BRMS1L: variants seen among roughly 807,000 people sequenced by gnomAD.
BRMS1L encodes BRMS1 like transcriptional repressor, also known as breast cancer metastasis-suppressor 1-like protein.
Under a neutral mutation model 50.3 loss-of-function variants are expected in BRMS1L, and 23 were observed. The ratio of observed to expected loss-of-function variants is 0.46; its 90% CI spans 0.33 to 0.65. The LOEUF (loss-of-function observed/expected upper bound fraction) is 0.65. Among genes scored for constraint, BRMS1L ranks in the 30% least tolerant of loss-of-function variants. The probability of loss-of-function intolerance (pLI) is 0.02; values close to 1 mark genes in which losing one functional copy is unlikely to be tolerated. For synonymous variants in BRMS1L, 114 were observed against 126.9 expected (o/e 0.90, Z 0.69); for missense variants, 286 against 386.1 (o/e 0.74, Z 2.17).
chr14:35,865,686 C>A (rs1438888193), intron 7 of BRMS1L, 36 bp from the exon 8 acceptor site: 1 of 1,515,002 alleles, frequency 6.6e-7, no homozygotes, highest in South Asian at 1.2e-5. Flanking sequence ...TGAACTCAGA[C>A]TTCTTTCTTC....
intron 1 of BRMS1L, among the ~76,000 whole-genome samples, chr14:35,826,941 A>G: frequency 6.6e-6 from 1 of 152,174 alleles, no homozygotes; most frequent in East Asian, 1.9e-4. Flanking sequence ...GCCCAGGCGG[A>G]CAACTTCCCG....
chr14:35,829,737 G>A (rs2077893849), intron 1 of BRMS1L: 1 of 733,010 alleles, frequency 1.4e-6, no homozygotes, highest in Non-Finnish European at 1.9e-6. Context: ...AGAAAAAAAT[G>A]AGTCAGCCTT....
At chr14:35,837,871 A>G (rs774469435) in intron 4 of BRMS1L, among the ~76,000 whole-genome samples, 1 of 152,142 alleles carries the variant, frequency 6.6e-6, no homozygotes, top group Non-Finnish European at 1.5e-5. Context: ...ATTTAAAAAA[A>G]TTACTTTTTA....
At chr14:35,864,908 C>G in intron 6 of BRMS1L, 27 bp from the exon 7 acceptor site, 1 of 1,434,100 alleles carries the variant, frequency 7.0e-7, no homozygotes. Context: ...GATATTCTTA[C>G]AGCTAAATTG....
At chr14:35,853,400 AATG>A (rs200810819) in intron 4 of BRMS1L, among the ~76,000 whole-genome samples, 8 of 151,130 alleles carry the variant, frequency 5.3e-5, no homozygotes, top group Admixed American at 1.3e-4. Flanking sequence ...TGATGATGTT[AATG>A]ATGATGATGA....
intron 4 of BRMS1L, among the ~76,000 whole-genome samples, chr14:35,855,426 A>C (rs1398964992): frequency 2.6e-5 from 4 of 152,128 alleles, no homozygotes; most frequent in African/African-American, 9.7e-5. Context: ...GAATATCTTT[A>C]AAAGGGTGTT....
chr14:35,851,948 A>C lies in BRMS1L; in HGVS notation c.442-10642A>C, dbSNP rs145523119. On this transcript the variant is annotated intron_variant, in intron 4 of 9. Coordinates refer to ENST00000216807, the MANE Select transcript of BRMS1L (RefSeq NM_032352.4). Reference sequence around the variant, plus strand: ...CCCTTGTTGAAGATCGCTTGACTATACATGGATGGGTTTATTTCAGGGCTC... The same window carrying C: ...CCCTTGTTGAAGATCGCTTGACTATCCATGGATGGGTTTATTTCAGGGCTC... Among the ~76,000 whole-genome samples the C allele has an allele frequency of 3.5e-4, 54 of 152,364 alleles. 1 individual carries two copies. The East Asian group carries it at 9.8e-3, about 28-fold the overall frequency.
intron 4 of BRMS1L, among the ~76,000 whole-genome samples, chr14:35,859,931 G>T (rs2078328314): frequency 1.3e-5 from 2 of 152,020 alleles, no homozygotes; most frequent in Non-Finnish European, 2.9e-5. Context: ...GAATATAGGT[G>T]TGTGCCATTG....
intron 4 of BRMS1L, among the ~76,000 whole-genome samples, chr14:35,848,864 ACAC>A (rs2078171698): frequency 2.0e-5 from 3 of 152,128 alleles, no homozygotes; most frequent in Non-Finnish European, 4.4e-5. Flanking sequence ...CCATTGATGG[ACAC>A]TTAACATTTC....
At chr14:35,858,483 T>C (rs1455750810) in intron 4 of BRMS1L, 1 of 152,254 alleles carries the variant, frequency 6.6e-6, no homozygotes, top group Non-Finnish European at 1.5e-5. Context: ...AGTTAGTTTT[T>C]TGAGATTTCT....
chr14:35,864,895 T>A, intron 6 of BRMS1L, 40 bp from the exon 7 acceptor site: 1 of 1,305,246 alleles, frequency 7.7e-7, no homozygotes, highest in Admixed American at 2.2e-5. Flanking sequence ...TAATTCAAAG[T>A]GTGATATTCT....
chr14:35,865,714 T>A lies in BRMS1L; in HGVS notation c.688-8T>A, dbSNP rs74801940. The A allele has an allele frequency of 3.3e-5, 52 of 1,568,032 alleles. No individual in the cohort carries two copies. The highest frequency in any genetic ancestry group is 1.7e-4 in the Middle Eastern group (1 of 5,940). Reference sequence around the variant, plus strand: ...CTTTCTTCCTCTTTTTTTTTTTTTTTAATTAAGGCAATGGCTACATTGGGG... The same window carrying A: ...CTTTCTTCCTCTTTTTTTTTTTTTTAAATTAAGGCAATGGCTACATTGGGG... On this transcript the variant is annotated splice_region_variant and splice_polypyrimidine_tract_variant and intron_variant, in intron 7 of 9. Transcript: ENST00000216807.
intron 1 of BRMS1L, 75 bp from the exon 2 acceptor site, chr14:35,831,335 G>A (rs1179694926): frequency 1.5e-5 from 15 of 996,766 alleles, no homozygotes; most frequent in Middle Eastern, 2.9e-4. Flanking sequence ...TTTGAATTAC[G>A]TTCAGATATA....
intron 4 of BRMS1L, among the ~76,000 whole-genome samples, chr14:35,839,495 A>G (rs2078034999): frequency 6.6e-6 from 1 of 152,184 alleles, no homozygotes; most frequent in Non-Finnish European, 1.5e-5. Flanking sequence ...GATTCTTCCT[A>G]TCCATGAACA....
At chr14:35,841,298 T>A (rs1221707196) in intron 4 of BRMS1L, among the ~76,000 whole-genome samples, 1 of 152,070 alleles carries the variant, frequency 6.6e-6, no homozygotes, top group South Asian at 2.1e-4. Flanking sequence ...TTTATTTTTT[T>A]AAATTTTATG....
In BRMS1L at chr14:35,870,340, T is replaced by G. The variant is rs769765637; in HGVS notation, c.855-20T>G. ...GAGACATTGTAATTCATTCATTCAT[T>G]CTTTTTTTTTTCTTTTTAGTGCTGT... On this transcript the variant is annotated intron_variant, in intron 9 of 9. Coordinates refer to ENST00000216807, the MANE Select transcript of BRMS1L (RefSeq NM_032352.4). The G allele has an allele frequency of 1.9e-5, 26 of 1,369,890 alleles. No homozygotes were observed. Among genetic ancestry groups the G allele is most frequent in the Non-Finnish European group, 2.3e-5 (22 of 977,120 alleles). 84.9% of individuals were successfully genotyped at this position (1,369,890 alleles called of 1,614,324 possible).
chr14:35,850,815 G>A (rs796541956), intron 4 of BRMS1L, among the ~76,000 whole-genome samples: 14 of 152,190 alleles, frequency 9.2e-5, no homozygotes, highest in African/African-American at 3.1e-4. Flanking sequence ...TTTTCCCAAC[G>A]TCATTTTATT....
intron 1 of BRMS1L, among the ~76,000 whole-genome samples, chr14:35,827,977 G>A (rs1024216028): frequency 6.6e-6 from 1 of 151,972 alleles, no homozygotes; most frequent in African/African-American, 2.4e-5. Flanking sequence ...AGTTGAGCTC[G>A]GAAAAGAACA....
At position 35,829,009 on chromosome 14, in the gene BRMS1L, G is replaced by C. The variant is rs150823722; in HGVS notation, c.142+2351G>C. On this transcript the variant is annotated intron_variant, in intron 1 of 9. Coordinates refer to ENST00000216807, the MANE Select transcript of BRMS1L (RefSeq NM_032352.4). ...CACCCAGGCTGGAGTGCAGTGGCAC[G>C]ATCTTGGCTCGCTGCAACCTCTGCC... Among the ~76,000 whole-genome samples, 636 of 151,196 alleles carry C rather than the reference G, an allele frequency of 4.2e-3. 3 individuals carry two copies. Among genetic ancestry groups the C allele is most frequent in the African/African-American group, 0.014 (585 of 41,128 alleles).
Sources: allele counts gnomAD v4.1 joint callset (sites outside exome capture counted in the v4.1 genomes callset), GRCh38; gene constraint gnomAD v4.1.1; transcripts MANE v1.5; gene names NCBI Gene and HGNC (gene_info 2026-07-23, HGNC 2026-07-21).